Variants in GRIK2 observed in about 807,000 individuals in gnomAD.
GRIK2 encodes glutamate receptor ionotropic, kainate 2.
GRIK2 carries 32 observed loss-of-function variants against 100.3 expected under a neutral mutation model. That is an observed-to-expected ratio of 0.32 (90% confidence interval 0.24 to 0.43). The LOEUF (loss-of-function observed/expected upper bound fraction) is 0.43, where lower values mean the gene tolerates loss of function less well. GRIK2 is among the 20% of genes least tolerant of loss of function. The pLI, the probability that GRIK2 is intolerant of heterozygous loss-of-function variation, is 1.00. For missense variants in GRIK2, 843 were observed against 1,114.9 expected, an observed-to-expected ratio of 0.76 and a Z score of 3.47; for synonymous variants, 417 against 389.4, an observed-to-expected ratio of 1.07 and a Z score of -0.83.
chr6:101,637,474 G>A (rs149721592), intron 4 of GRIK2, among the ~76,000 whole-genome samples: 209 of 152,050 alleles, frequency 1.4e-3, no homozygotes, highest in African/African-American at 4.8e-3. Flanking sequence ...TCTATTTTCA[G>A]TTGATCATTT....
chr6:101,862,279 C>A (rs1430452680), intron 11 of GRIK2, among the ~76,000 whole-genome samples: 2 of 152,008 alleles, frequency 1.3e-5, no homozygotes, highest in Non-Finnish European at 2.9e-5. Context: ...GAATTTTTAA[C>A]TTAAAATACT....
At chr6:102,036,344 C>T (rs1300338330) in intron 15 of GRIK2, among the ~76,000 whole-genome samples, 1 of 151,226 alleles carries the variant, frequency 6.6e-6, no homozygotes, top group Admixed American at 6.6e-5. Context: ...TCTTAATCCC[C>T]AGAACCTTTG....
At chr6:101,597,833 G>A (rs1778995646) in intron 2 of GRIK2, among the ~76,000 whole-genome samples, 1 of 151,598 alleles carries the variant, frequency 6.6e-6, no homozygotes, top group Admixed American at 6.6e-5. Context: ...ATGTCATCAG[G>A]GCCACTCAGC....
chr6:101,486,285 G>C (rs1031039230), intron 2 of GRIK2, among the ~76,000 whole-genome samples: 2 of 148,924 alleles, frequency 1.3e-5, no homozygotes, highest in African/African-American at 5.0e-5. Context: ...TGAATCAGTA[G>C]TAACCGAGCA....
intron 4 of GRIK2, among the ~76,000 whole-genome samples, chr6:101,645,612 T>C (rs1781489654): frequency 6.6e-6 from 1 of 151,988 alleles, no homozygotes; most frequent in Non-Finnish European, 1.5e-5. Context: ...AATGTAATAA[T>C]TCTCCATCTC....
chr6:101,539,554 C>T (rs894831740), intron 2 of GRIK2, among the ~76,000 whole-genome samples: 4 of 151,660 alleles, frequency 2.6e-5, no homozygotes, highest in African/African-American at 4.8e-5. Flanking sequence ...AAGTCATCTG[C>T]CTAGGAGGGA....
intron 14 of GRIK2, among the ~76,000 whole-genome samples, chr6:101,990,695 T>C (rs1376727888): frequency 6.6e-6 from 1 of 151,572 alleles, no homozygotes; most frequent in East Asian, 1.9e-4. Flanking sequence ...GTGCTTCTAG[T>C]TTTCAGCTGG....
At chr6:101,600,728 G>T (rs1261650859) in intron 2 of GRIK2, among the ~76,000 whole-genome samples, 1 of 151,678 alleles carries the variant, frequency 6.6e-6, no homozygotes, top group African/African-American at 2.4e-5. Context: ...TTATTGGTGT[G>T]TAAAATGTTA....
At chr6:101,787,943 T>A (rs980997594) in intron 7 of GRIK2, among the ~76,000 whole-genome samples, 1 of 152,146 alleles carries the variant, frequency 6.6e-6, no homozygotes, top group African/African-American at 2.4e-5. Context: ...TCTCTTTAGA[T>A]CAAATAAAAT....
At chr6:102,011,709 C>T (rs1795548680) in intron 14 of GRIK2, among the ~76,000 whole-genome samples, 1 of 150,914 alleles carries the variant, frequency 6.6e-6, no homozygotes, top group South Asian at 2.1e-4. Context: ...TCAGCCTCTC[C>T]GAGTAGCTGG....
intron 2 of GRIK2, among the ~76,000 whole-genome samples, chr6:101,551,619 C>T (rs1006632241): frequency 2.6e-5 from 4 of 152,162 alleles, no homozygotes; most frequent in East Asian, 1.9e-4. Flanking sequence ...GCATGTGTCC[C>T]GCACTGTTCT....
chr6:101,902,872 G>A (rs1475922), intron 12 of GRIK2, among the ~76,000 whole-genome samples: 135,280 of 151,828 alleles, frequency 0.89, 60,598 homozygotes, highest in East Asian at 0.94. Context: ...GTTCCCTCGC[G>A]GGTAATAGGA....
At chr6:101,475,277 T>TA (rs1327182730) in intron 2 of GRIK2, among the ~76,000 whole-genome samples, 5 of 151,910 alleles carry the variant, frequency 3.3e-5, no homozygotes, top group South Asian at 2.1e-4. Flanking sequence ...CTAGTAAATT[T>TA]AAAAAAGTCA....
intron 2 of GRIK2, among the ~76,000 whole-genome samples, chr6:101,483,816 C>T (rs556192235): frequency 1.2e-4 from 19 of 152,276 alleles, no homozygotes; most frequent in South Asian, 8.3e-4. Context: ...GACCTCAGTC[C>T]GCCTCAGCCT....
intron 2 of GRIK2, among the ~76,000 whole-genome samples, chr6:101,519,299 A>ATGTG (rs1447904671): frequency 6.3e-5 from 7 of 110,600 alleles, no homozygotes; most frequent in African/African-American, 2.4e-4. Flanking sequence ...GCGGAGTTAA[A>ATGTG]CGTGTGTGTG....
intron 10 of GRIK2, among the ~76,000 whole-genome samples, chr6:101,856,427 G>A (rs1784429986): frequency 6.6e-6 from 1 of 152,144 alleles, no homozygotes; most frequent in African/African-American, 2.4e-5. Flanking sequence ...TTGGATACGT[G>A]TGCCTAAGAC....
At chr6:101,975,910 A>G (rs1465797941) in intron 14 of GRIK2, among the ~76,000 whole-genome samples, 3 of 151,810 alleles carry the variant, frequency 2.0e-5, no homozygotes, top group Non-Finnish European at 4.4e-5. Flanking sequence ...GGGTTAAATT[A>G]TGAAAGAGCA....
rs1772915587 is a variant in GRIK2 at position 101,487,991 on chromosome 6, G to A, written c.115+88599G>A. Among the ~76,000 whole-genome samples, 2 of 146,170 alleles carry A rather than the reference G, an allele frequency of 1.4e-5. 1 individual carries two copies. The highest frequency in any genetic ancestry group is 3.0e-5 in the Non-Finnish European group (2 of 66,388). On this transcript the variant is annotated intron_variant, in intron 2 of 16. Transcript: ENST00000369134. Reference sequence around the variant, plus strand: ...CTTTTGATTTTTGGCTAAAAATTATGTTCAGATGGATGTCAACTATAAAGT... The same window carrying A: ...CTTTTGATTTTTGGCTAAAAATTATATTCAGATGGATGTCAACTATAAAGT...
chr6:101,685,783 CA>C (rs201245961), intron 6 of GRIK2, among the ~76,000 whole-genome samples: 177 of 143,212 alleles, frequency 1.2e-3, no homozygotes, highest in Middle Eastern at 3.5e-3. Flanking sequence ...GAAACACTGA[CA>C]AAAAAAAAAT....
Sources: gnomAD v4.1 joint callset for allele counts (sites outside exome capture counted in the v4.1 genomes callset) on GRCh38, gnomAD v4.1.1 for gene constraint, MANE v1.5 for transcripts, NCBI Gene and HGNC (gene_info 2026-07-23, HGNC 2026-07-21) for gene names.